The following KIF7 variants were observed in gnomAD, a reference collection of about 807,000 sequenced individuals.
The protein encoded by KIF7 is kinesin-like protein KIF7.
KIF7 carries 104 observed loss-of-function variants against 135.7 expected under a neutral mutation model. That is an observed-to-expected ratio of 0.77 (90% CI 0.65 to 0.90). The LOEUF is 0.90. Ranked by LOEUF, KIF7 falls within the 40% of genes least tolerant of loss-of-function variation. KIF7 has a pLI of 0.00. For synonymous variants in KIF7, 883 were observed against 809.4 expected (o/e 1.09, Z -1.54); for missense variants, 2,005 against 1,839.1 (o/e 1.09, Z -1.65).
Position 89,629,378 on chromosome 15 carries a change from G to T in KIF7, c.3514C>A (p.Arg1172=), listed in dbSNP as rs138196132. The T allele has an allele frequency of 1.0e-3, 1,648 of 1,594,140 alleles. 2 individuals are homozygous for T. Among genetic ancestry groups the T allele is most frequent in the Non-Finnish European group, 1.2e-3 (1,396 of 1,175,244 alleles). The stretch of plus-strand genomic sequence containing the variant: ...AGCCATGGGCCGGGCTGCTCACCTC[G>T]ACTCTGCTGCAGGAGCAGCTGCATG... ...QNMQLLLQQS[R]DHLGEGLADS... The change falls in exon 17 of 19, where the codon CGA becomes AGA. Residue 1172 remains arginine, a synonymous_variant. Transcript: ENST00000394412.
Position 89,621,980 on chromosome 15 carries a change from CTCTT to C in KIF7, c.181-3789_181-3786del, listed in dbSNP as rs1316967833. On this transcript the variant is annotated intron_variant and NMD_transcript_variant, in intron 1 of 2. Transcript: ENST00000558928. ...CCTGCCCATTTTATTTACAAACTGA[CTCTT>C]TTTTTTTTTTTTTTTTTTTGGAGAC... 2.3e-4 allele frequency among the ~76,000 whole-genome samples: 19 copies of C among 82,774 alleles called. No individual in the cohort carries two copies. In the South Asian group the frequency reaches 6.2e-3, roughly 27 times the overall value. The allele number at this position is 82,774 out of a possible 152,430, so 54.3% of individuals were successfully genotyped here. A position where few individuals can be genotyped will look rare whatever the true frequency, so the allele number is the denominator to read the frequency against.
intron 2 of KIF7, among the ~76,000 whole-genome samples, chr15:89,652,121 G>C (rs1964133186): frequency 6.6e-6 from 1 of 152,168 alleles, no homozygotes; most frequent in Non-Finnish European, 1.5e-5. Flanking sequence ...CTTAAAAGGG[G>C]ACACTTCCTT....
At chr15:89,638,231 C>G (rs1963850463) in intron 11 of KIF7, among the ~76,000 whole-genome samples, 1 of 105,840 alleles carries the variant, frequency 9.4e-6, no homozygotes. Context: ...CCTTTGAAAA[C>G]TGGCACAAGA....
chr15:89,619,498 G>T (rs1441607878), intron 1 of KIF7, among the ~76,000 whole-genome samples: 1 of 152,102 alleles, frequency 6.6e-6, no homozygotes, highest in Non-Finnish European at 1.5e-5. Context: ...AGTCTAGTGG[G>T]TCAGTGTTTT....
At chr15:89,637,744 A>G (rs1272027362) in intron 11 of KIF7, among the ~76,000 whole-genome samples, 2 of 146,092 alleles carry the variant, frequency 1.4e-5, no homozygotes, top group East Asian at 3.9e-4. Flanking sequence ...CAGAGGTACA[A>G]GGAGGAACTG....
At chr15:89,625,869 T>G, downstream of KIF7, 2 of 1,543,710 alleles carry the variant, frequency 1.3e-6, no homozygotes, top group South Asian at 2.6e-5. Flanking sequence ...GAGTTGCTTC[T>G]TGGGAGGCCT....
At chr15:89,631,409 G>A (rs948396971) in intron 15 of KIF7, 86 bp downstream of exon 15, 38 of 1,246,508 alleles carry the variant, frequency 3.0e-5, no homozygotes, top group Middle Eastern at 5.5e-4. Context: ...CCCAGCACCC[G>A]CAGAGGGCTG....
chr15:89,648,860 C>T, intron 4 of KIF7, 86 bp from the exon 5 acceptor site: 5 of 1,468,402 alleles, frequency 3.4e-6, no homozygotes, highest in Non-Finnish European at 4.5e-6. Flanking sequence ...GCTCCTGGCG[C>T]GGTTCCCGTG....
At chr15:89,659,626 T>C (rs1964239270), upstream of KIF7, among the ~76,000 whole-genome samples, 1 of 152,202 alleles carries the variant, frequency 6.6e-6, no homozygotes, top group Admixed American at 6.5e-5. Flanking sequence ...ATATCATTGC[T>C]AATCAGGGAA....
chr15:89,648,861 G>C (rs886070003), intron 4 of KIF7, 87 bp from the exon 5 acceptor site: 2 of 1,467,126 alleles, frequency 1.4e-6, no homozygotes, highest in African/African-American at 1.4e-5. Context: ...CTCCTGGCGC[G>C]GTTCCCGTGG....
chr15:89,630,561 G>C, intron 15 of KIF7, 68 bp from the exon 16 acceptor site: 1 of 1,329,426 alleles, frequency 7.5e-7, no homozygotes, highest in Non-Finnish European at 1.0e-6. Flanking sequence ...GGGCAGACAT[G>C]CAACAGCCAA....
intron 11 of KIF7, among the ~76,000 whole-genome samples, chr15:89,636,873 T>C (rs1963819349): frequency 1.3e-5 from 2 of 149,780 alleles, no homozygotes; most frequent in East Asian, 3.9e-4. Flanking sequence ...CAACAGAATA[T>C]ATATTTTTTT....
intron 11 of KIF7, 113 bp from the exon 12 acceptor site, chr15:89,633,996 T>G: frequency 9.1e-7 from 1 of 1,103,946 alleles, no homozygotes; most frequent in Non-Finnish European, 1.4e-6. Context: ...AGGTGGGTGA[T>G]AGACCAATAA....
rs1476697597 is a variant in KIF7, at chr15:89,642,392, C to A, written c.2205G>T (p.Gln735His). 1 of 1,601,852 alleles carries A rather than the reference C, an allele frequency of 6.2e-7. No individual in the cohort carries two copies. Among genetic ancestry groups the A allele is most frequent in the East Asian group, 2.2e-5 (1 of 44,468 alleles). Residue 735 changes from glutamine (Q) to histidine (H), a missense_variant, in exon 11 of 19, where the codon CAG becomes CAT. Physicochemically the swap from Gln to His is conservative, Grantham distance 24 (BLOSUM62 0). Transcript: ENST00000394412. The stretch of plus-strand genomic sequence containing the variant: ...GCTGGCTGTGCTGGCGGTTCAGGGC[C>A]TGAGCTGCCTTTCCTGGAAGAAAGC... ...GELVRTGKAA[Q>H]ALNRQHSQRI...
At chr15:89,635,268 G>A (rs181809415) in intron 11 of KIF7, among the ~76,000 whole-genome samples, 49 of 152,302 alleles carry the variant, frequency 3.2e-4, no homozygotes, top group East Asian at 9.6e-4. Flanking sequence ...AAAGCGGAGC[G>A]CCTCTCCTCC....
In KIF7 at chr15:89,632,715, C is replaced by A; in HGVS notation, c.2895+105G>T. 3.1e-6 allele frequency: 4 copies of A among 1,275,422 alleles called. No homozygotes were observed. The South Asian group carries it at 5.1e-5, about 16-fold the overall frequency. 79.0% of individuals were successfully genotyped at this position (1,275,422 alleles called of 1,614,324 possible). ...AGGACCTCACTTTGCTAGACCTCAC[C>A]TGGCAGAAACTTACTTGGCAGGAGC... is the stretch of plus-strand genomic sequence containing the variant. On this transcript the variant is annotated intron_variant, in intron 14 of 18. Coordinates refer to ENST00000394412, the MANE Select transcript of KIF7 (RefSeq NM_198525.3).
chr15:89,637,978 A>G (rs1449539916), intron 11 of KIF7, among the ~76,000 whole-genome samples: 1 of 108,448 alleles, frequency 9.2e-6, no homozygotes, highest in Admixed American at 9.0e-5. Context: ...CACCATGATC[A>G]AGTGGGCTTC....
chr15:89,625,352 T>A, downstream of KIF7: 3 of 1,613,816 alleles, frequency 1.9e-6, no homozygotes, highest in Non-Finnish European at 2.5e-6. Context: ...ACTCCAGACA[T>A]AATTAAAGAC....
chr15:89,623,762 C>T (rs760343470), downstream of KIF7: 1 of 1,613,948 alleles, frequency 6.2e-7, no homozygotes, highest in Non-Finnish European at 8.5e-7. Context: ...ACAAAGCAGG[C>T]AGCTTTTAAG....
Sources: allele counts gnomAD v4.1 joint callset (sites outside exome capture counted in the v4.1 genomes callset), GRCh38; gene constraint gnomAD v4.1.1; transcripts MANE v1.5; gene names NCBI Gene and HGNC (gene_info 2026-07-23, HGNC 2026-07-21).